Variants in RBMS3 observed in about 807,000 individuals in gnomAD.
RBMS3 encodes RNA binding motif single stranded interacting protein 3, also known as RNA-binding motif, single-stranded-interacting protein 3.
Under a neutral mutation model 66.8 loss-of-function variants are expected in RBMS3, and 27 were observed. That is an observed-to-expected ratio of 0.40 (90% CI 0.30 to 0.56). The LOEUF is 0.56. Ranked by LOEUF, RBMS3 falls within the 20% of genes least tolerant of loss-of-function variation. The pLI is 0.40. For synonymous variants in RBMS3, 188 were observed against 183.0 expected (o/e 1.03, Z -0.22); for missense variants, 513 against 549.5 (o/e 0.93, Z 0.66).
chr3:29,315,606 T>C (rs1178065715), intron 1 of RBMS3, among the ~76,000 whole-genome samples: 2 of 151,760 alleles, frequency 1.3e-5, no homozygotes, highest in Admixed American at 1.3e-4. Context: ...AGCTTGTGGA[T>C]CTACATAATT....
At chr3:29,763,444 T>G (rs557204224) in intron 6 of RBMS3, among the ~76,000 whole-genome samples, 1 of 152,070 alleles carries the variant, frequency 6.6e-6, no homozygotes, top group Admixed American at 6.6e-5. Flanking sequence ...AGTATAGCGA[T>G]TTGACAATGT....
chr3:29,746,595 G>C (rs776473550), intron 5 of RBMS3, among the ~76,000 whole-genome samples: 53 of 152,174 alleles, frequency 3.5e-4, no homozygotes, highest in Non-Finnish European at 5.9e-4. Context: ...GTCTCATCTT[G>C]TTTCTTCTCC....
intron 1 of RBMS3, among the ~76,000 whole-genome samples, chr3:29,313,912 A>G (rs904211504): frequency 6.6e-6 from 1 of 151,716 alleles, no homozygotes; most frequent in Non-Finnish European, 1.5e-5. Context: ...ATTCGGGATG[A>G]GTGGAGAGTA....
At chr3:29,451,592 A>G (rs548872077) in intron 2 of RBMS3, among the ~76,000 whole-genome samples, 1 of 151,934 alleles carries the variant, frequency 6.6e-6, no homozygotes, top group Admixed American at 6.6e-5. Context: ...TTTTTCAGAT[A>G]TTTAAGTAGA....
At chr3:29,484,153 G>A (rs1430827769) in intron 2 of RBMS3, among the ~76,000 whole-genome samples, 1 of 152,194 alleles carries the variant, frequency 6.6e-6, no homozygotes, top group East Asian at 1.9e-4. Flanking sequence ...ATTGAGCAAA[G>A]CATTTTAGAA....
At chr3:29,749,858 CA>C (rs1180486157) in intron 5 of RBMS3, among the ~76,000 whole-genome samples, 1 of 151,878 alleles carries the variant, frequency 6.6e-6, no homozygotes, top group African/African-American at 2.4e-5. Flanking sequence ...GTCCTGATAC[CA>C]AAAAACAAAC....
chr3:29,335,386 AATT>A (rs2035886501), intron 1 of RBMS3, among the ~76,000 whole-genome samples: 1 of 152,206 alleles, frequency 6.6e-6, no homozygotes, highest in South Asian at 2.1e-4. Flanking sequence ...AATTAGCAGA[AATT>A]ATGCATATAG....
chr3:29,918,822 A>G (rs186754151), intron 10 of RBMS3, among the ~76,000 whole-genome samples: 9 of 152,214 alleles, frequency 5.9e-5, no homozygotes, highest in African/African-American at 2.2e-4. Flanking sequence ...ATTTTTTAAG[A>G]TGAGACTTTT....
At chr3:29,966,160 T>C (rs912839151) in intron 12 of RBMS3, among the ~76,000 whole-genome samples, 1 of 152,192 alleles carries the variant, frequency 6.6e-6, no homozygotes, top group African/African-American at 2.4e-5. Flanking sequence ...GGTGGTGCGA[T>C]ACCTCCAGAT....
At chr3:29,744,092 T>A (rs909416996) in intron 5 of RBMS3, among the ~76,000 whole-genome samples, 2 of 152,020 alleles carry the variant, frequency 1.3e-5, no homozygotes, top group Non-Finnish European at 2.9e-5. Context: ...GAACTATTGC[T>A]TTAAAGTTGT....
intron 4 of RBMS3, among the ~76,000 whole-genome samples, chr3:29,638,070 T>G (rs1370207690): frequency 1.3e-5 from 2 of 151,890 alleles, no homozygotes; most frequent in African/African-American, 4.8e-5. Flanking sequence ...GGATACCACA[T>G]AGGTCAAGGT....
chr3:29,419,367 A>C (rs1239846534), intron 1 of RBMS3, among the ~76,000 whole-genome samples: 2 of 152,160 alleles, frequency 1.3e-5, no homozygotes, highest in East Asian at 3.9e-4. Flanking sequence ...ATTTATTGTA[A>C]TATTATCATT....
At chr3:29,336,404 C>T (rs966089087) in intron 1 of RBMS3, among the ~76,000 whole-genome samples, 6 of 151,934 alleles carry the variant, frequency 3.9e-5, no homozygotes, top group Non-Finnish European at 8.8e-5. Context: ...GTAAAATGCT[C>T]AATCAAGATC....
At chr3:29,896,080 G>A (rs2060118370) in intron 8 of RBMS3, among the ~76,000 whole-genome samples, 2 of 151,292 alleles carry the variant, frequency 1.3e-5, no homozygotes, top group African/African-American at 4.8e-5. Flanking sequence ...ACCCAAAAGA[G>A]TATGATCTTA....
intron 1 of RBMS3, among the ~76,000 whole-genome samples, chr3:29,391,808 T>C (rs1440397614): frequency 6.6e-6 from 1 of 152,168 alleles, no homozygotes; most frequent in African/African-American, 2.4e-5. Context: ...TAGTCACCCA[T>C]ATTATATAAA....
At chr3:29,758,757 T>A (rs1337976604) in intron 5 of RBMS3, among the ~76,000 whole-genome samples, 1 of 152,230 alleles carries the variant, frequency 6.6e-6, no homozygotes, top group African/African-American at 2.4e-5. Context: ...TGACATAATT[T>A]GTTTTTGAAA....
chr3:29,729,550 G>A (rs1451956671), intron 4 of RBMS3, among the ~76,000 whole-genome samples: 1 of 152,118 alleles, frequency 6.6e-6, no homozygotes, highest in Admixed American at 6.6e-5. Context: ...CTAGATGCTT[G>A]AGGAATCGCC....
At position 29,635,855 on chromosome 3, in the gene RBMS3, C is replaced by T. The variant is rs139711795; in HGVS notation, c.399+48650C>T. Among the ~76,000 whole-genome samples the T allele has an allele frequency of 4.0e-3, 603 of 151,942 alleles. 3 individuals carry two copies. The highest frequency in any genetic ancestry group is 0.01 in the Middle Eastern group (3 of 294). Reference sequence around the variant, plus strand: ...CTCCTCCGTCCCTTTCCACTAGAATCCATGTCCCAAATCTCCTACCTATGG... The same window carrying T: ...CTCCTCCGTCCCTTTCCACTAGAATTCATGTCCCAAATCTCCTACCTATGG... On this transcript the variant is annotated intron_variant, in intron 4 of 14. Transcript: ENST00000383767.
chr3:29,731,279 G>C (rs947739646), intron 4 of RBMS3, among the ~76,000 whole-genome samples: 4 of 152,170 alleles, frequency 2.6e-5, no homozygotes, highest in African/African-American at 4.8e-5. Context: ...ATAAGTAAAT[G>C]CTTCTTTTTA....
Sources: allele counts gnomAD v4.1 joint callset (sites outside exome capture counted in the v4.1 genomes callset), GRCh38; gene constraint gnomAD v4.1.1; transcripts MANE v1.5; gene names NCBI Gene and HGNC (gene_info 2026-07-23, HGNC 2026-07-21).